PHF24: variants seen among roughly 807,000 people sequenced by gnomAD.
PHF24 encodes the protein Galpha inhibitory interacting protein.
In PHF24, 25 loss-of-function variants were observed where a neutral mutation model predicts 42.6. The ratio of observed to expected loss-of-function variants is 0.59; its 90% confidence interval spans 0.43 to 0.82. The LOEUF (loss-of-function observed/expected upper bound fraction) is 0.82. Ranked by LOEUF, PHF24 falls within the 40% of genes least tolerant of loss-of-function variation. PHF24 has a pLI of 0.00. For synonymous variants in PHF24, 185 were observed against 204.8 expected, an observed-to-expected ratio of 0.90 and a Z score of 0.83; for missense variants, 470 against 538.1, an observed-to-expected ratio of 0.87 and a Z score of 1.25.
chr9:34,874,632 C>T, the PHF24 span, among the ~76,000 whole-genome samples: 1 of 152,014 alleles, frequency 6.6e-6, no homozygotes, highest in African/African-American at 2.4e-5. Context: ...TAAGTTGTTT[C>T]TGCCTCTTAA....
the PHF24 span, among the ~76,000 whole-genome samples, chr9:34,694,086 G>T: frequency 6.6e-6 from 1 of 150,610 alleles, no homozygotes; most frequent in East Asian, 2.0e-4. Flanking sequence ...TCCCAAAGTG[G>T]TCTACAGATT....
At chr9:34,778,699 A>C in the PHF24 span, among the ~76,000 whole-genome samples, 1 of 151,964 alleles carries the variant, frequency 6.6e-6, no homozygotes, top group Admixed American at 6.6e-5. Flanking sequence ...TGAATAATGG[A>C]TAGAAAAGCT....
At chr9:34,844,027 G>C in the PHF24 span, among the ~76,000 whole-genome samples, 1 of 152,134 alleles carries the variant, frequency 6.6e-6, no homozygotes, top group African/African-American at 2.4e-5. Context: ...CTTCTTGGTA[G>C]ATTGTATGTT....
At chr9:34,893,627 A>G in the PHF24 span, among the ~76,000 whole-genome samples, 16 of 151,660 alleles carry the variant, frequency 1.1e-4, no homozygotes, top group South Asian at 2.1e-4. Flanking sequence ...AAAAGAAAAG[A>G]AAAAGAAAAA....
the PHF24 span, among the ~76,000 whole-genome samples, chr9:34,850,288 G>T: frequency 2.0e-5 from 3 of 152,020 alleles, no homozygotes; most frequent in Admixed American, 1.3e-4. Context: ...TTTCTTGGAG[G>T]CTTTGTTCAT....
intron 1 of PHF24, among the ~76,000 whole-genome samples, chr9:34,966,913 A>ATT (rs1021524246): frequency 1.3e-5 from 2 of 150,760 alleles, no homozygotes; most frequent in Non-Finnish European, 1.5e-5. Context: ...CCAATCAATC[A>ATT]TTTTTTTTTA....
chr9:34,899,945 C>G, the PHF24 span, among the ~76,000 whole-genome samples: 7 of 152,084 alleles, frequency 4.6e-5, no homozygotes, highest in African/African-American at 1.7e-4. Context: ...GTCCAGCAAC[C>G]TCTATATTAA....
chr9:34,726,841 C>T, the PHF24 span: 1 of 1,551,802 alleles, frequency 6.4e-7, no homozygotes. Flanking sequence ...AGGAGCCCTG[C>T]AATGGCCCCG....
the PHF24 span, among the ~76,000 whole-genome samples, chr9:34,786,984 C>T: frequency 2.6e-5 from 4 of 152,142 alleles, no homozygotes; most frequent in African/African-American, 4.8e-5. Context: ...GAAGGAGGCA[C>T]CCAGAATCCT....
the PHF24 span, among the ~76,000 whole-genome samples, chr9:34,826,115 T>G: frequency 6.6e-6 from 1 of 152,002 alleles, no homozygotes; most frequent in African/African-American, 2.4e-5. Context: ...GGAAACTGGA[T>G]CTCACTGGCC....
chr9:34,747,958 T>C, the PHF24 span, among the ~76,000 whole-genome samples: 3 of 152,166 alleles, frequency 2.0e-5, no homozygotes, highest in Admixed American at 6.5e-5. Context: ...TATAATGAAA[T>C]GCTAAACAAC....
At chr9:34,950,035 T>C in the PHF24 span, among the ~76,000 whole-genome samples, 1 of 151,430 alleles carries the variant, frequency 6.6e-6, no homozygotes, top group Non-Finnish European at 1.5e-5. Context: ...AAAGAAATCA[T>C]AAGCCAGTTA....
At chr9:34,707,072 G>A in the PHF24 span, among the ~76,000 whole-genome samples, 2 of 152,186 alleles carry the variant, frequency 1.3e-5, no homozygotes, top group African/African-American at 4.8e-5. Flanking sequence ...TTAGGACTGC[G>A]AAGGGATTAG....
the PHF24 span, among the ~76,000 whole-genome samples, chr9:34,772,713 C>T: frequency 6.6e-6 from 1 of 152,064 alleles, no homozygotes; most frequent in Non-Finnish European, 1.5e-5. Context: ...AGTGTGGAGC[C>T]AGGTTTCTTA....
chr9:34,794,231 C>G, the PHF24 span, among the ~76,000 whole-genome samples: 1 of 152,084 alleles, frequency 6.6e-6, no homozygotes, highest in Non-Finnish European at 1.5e-5. Flanking sequence ...CAAGAAAAAT[C>G]GGAGTAGCAC....
chr9:34,684,719 C>T, the PHF24 span, among the ~76,000 whole-genome samples: 1 of 152,064 alleles, frequency 6.6e-6, no homozygotes, highest in East Asian at 1.9e-4. Flanking sequence ...GGAATGAGGT[C>T]GACGTGGTGA....
At chr9:34,861,690 G>A in the PHF24 span, among the ~76,000 whole-genome samples, 8 of 152,188 alleles carry the variant, frequency 5.3e-5, no homozygotes, top group African/African-American at 1.9e-4. Context: ...ACACGTATGG[G>A]AGAAGGTAAA....
At chr9:34,790,774 C>T in the PHF24 span, among the ~76,000 whole-genome samples, 2 of 152,066 alleles carry the variant, frequency 1.3e-5, no homozygotes, top group African/African-American at 4.8e-5. Context: ...AGGGAAGGTC[C>T]GTCTGAGGAG....
chr9:34,838,183 A>T, the PHF24 span, among the ~76,000 whole-genome samples: 1 of 152,330 alleles, frequency 6.6e-6, no homozygotes, highest in African/African-American at 2.4e-5. Context: ...CCTGGTAAGG[A>T]ATTACTTTTA....
Sources: allele counts gnomAD v4.1 joint callset (sites outside exome capture counted in the v4.1 genomes callset), GRCh38; gene constraint gnomAD v4.1.1; transcripts MANE v1.5; gene names NCBI Gene and HGNC (gene_info 2026-07-23, HGNC 2026-07-21).